The following DOCK3 variants were observed in gnomAD, a reference collection of about 807,000 sequenced individuals.
The protein encoded by DOCK3 is dedicator of cytokinesis 3.
In DOCK3, 60 loss-of-function variants were observed where a neutral mutation model predicts 265.6. That is an observed-to-expected ratio of 0.23 (90% CI 0.18 to 0.28). DOCK3 has a LOEUF of 0.28. DOCK3 is among the 10% of genes least tolerant of loss of function. DOCK3 has a pLI of 1.00. For synonymous variants in DOCK3, 881 were observed against 938.0 expected (o/e 0.94, Z 1.11); for missense variants, 1,981 against 2,594.3 (o/e 0.76, Z 5.14).
At chr3:50,929,787 TA>T (rs1307811120) in intron 4 of DOCK3, among the ~76,000 whole-genome samples, 1 of 152,186 alleles carries the variant, frequency 6.6e-6, no homozygotes, top group East Asian at 1.9e-4. Flanking sequence ...AAGACATCTG[TA>T]AAAAATATAA....
At chr3:50,740,447 C>CT in intron 1 of DOCK3, among the ~76,000 whole-genome samples, 1 of 152,234 alleles carries the variant, frequency 6.6e-6, no homozygotes, top group Non-Finnish European at 1.5e-5. Flanking sequence ...AACTGCCAAA[C>CT]TTTCTTCCAA....
At chr3:51,292,009 A>G (rs372083226) in intron 27 of DOCK3, among the ~76,000 whole-genome samples, 1 of 152,234 alleles carries the variant, frequency 6.6e-6, no homozygotes, top group African/African-American at 2.4e-5. Flanking sequence ...GATCATCTCA[A>G]TAAATGCAGG....
chr3:51,151,239 C>T (rs1337909349), intron 10 of DOCK3, among the ~76,000 whole-genome samples: 1 of 152,078 alleles, frequency 6.6e-6, no homozygotes, highest in East Asian at 1.9e-4. Context: ...GAATACACCA[C>T]AATGATGGGT....
At chr3:51,159,221 A>C (rs759118917) in intron 10 of DOCK3, 23 bp from the exon 11 acceptor site, 2 of 1,610,966 alleles carry the variant, frequency 1.2e-6, no homozygotes, top group South Asian at 1.1e-5. Context: ...TCCTTGCCTG[A>C]ATTTACTTAT....
At chr3:51,288,907 T>TGG in intron 27 of DOCK3, among the ~76,000 whole-genome samples, 1 of 149,048 alleles carries the variant, frequency 6.7e-6, no homozygotes, top group African/African-American at 2.5e-5. Context: ...TGTGTGGGTG[T>TGG]GTGTGTGTGT....
chr3:50,829,099 G>A lies in DOCK3; in HGVS notation c.122-12576G>A, dbSNP rs185109799. On this transcript the variant is annotated intron_variant, in intron 2 of 52. Transcript: ENST00000266037. ...TATTTATTTATTTATTTGCCATTTA[G>A]ATACATCTTTTAGTAGTATTTCTTT... Among the ~76,000 whole-genome samples, 876 of 152,144 alleles carry A rather than the reference G, an allele frequency of 5.8e-3. 6 individuals carry two copies. Among genetic ancestry groups the A allele is most frequent in the South Asian group, 0.021 (101 of 4,822 alleles).
At chr3:50,885,857 G>A (rs778262414) in intron 3 of DOCK3, among the ~76,000 whole-genome samples, 2 of 152,098 alleles carry the variant, frequency 1.3e-5, no homozygotes, top group Non-Finnish European at 2.9e-5. Flanking sequence ...ACTCGTGTGG[G>A]TGGGGATTAG....
At chr3:51,098,045 C>A (rs2082933789) in intron 9 of DOCK3, among the ~76,000 whole-genome samples, 1 of 152,048 alleles carries the variant, frequency 6.6e-6, no homozygotes, top group African/African-American at 2.4e-5. Context: ...CAGACCAGAT[C>A]TGTTCCTATT....
At chr3:51,161,905 A>G (rs1405493685) in intron 12 of DOCK3, among the ~76,000 whole-genome samples, 1 of 152,198 alleles carries the variant, frequency 6.6e-6, no homozygotes, top group Non-Finnish European at 1.5e-5. Context: ...GTGTTCTTCA[A>G]CCAAAGGATA....
Position 50,723,118 on chromosome 3 carries a change from C to T in DOCK3, c.37+47818C>T, listed in dbSNP as rs549355658. On this transcript the variant is annotated intron_variant, in intron 1 of 52. Coordinates refer to ENST00000266037, the MANE Select transcript of DOCK3 (RefSeq NM_004947.5). ...GGGAAATGAAAACTGAAAAGAACCACGTGAAAATTTTTAGAACCAGAAAGT... is the reference window on the plus strand; with the variant it reads ...GGGAAATGAAAACTGAAAAGAACCATGTGAAAATTTTTAGAACCAGAAAGT... 4.7e-4 allele frequency among the ~76,000 whole-genome samples: 72 copies of T among 152,160 alleles called. No homozygotes were observed. The South Asian group carries it at 7.7e-3, about 16-fold the overall frequency.
intron 2 of DOCK3, chr3:50,787,752 C>T (rs760601933): frequency 1.7e-6 from 2 of 1,178,884 alleles, no homozygotes; most frequent in South Asian, 2.4e-5. Flanking sequence ...CTGTTATCTT[C>T]TCCTTTTTCT....
chr3:51,053,147 C>G (rs1176606030), intron 5 of DOCK3, among the ~76,000 whole-genome samples: 4 of 114,710 alleles, frequency 3.5e-5, no homozygotes, highest in African/African-American at 1.3e-4. Context: ...ATATTACAGA[C>G]TACTTGGCAT....
At chr3:51,295,035 A>G (rs1318657964) in intron 27 of DOCK3, among the ~76,000 whole-genome samples, 1 of 152,258 alleles carries the variant, frequency 6.6e-6, no homozygotes, top group Non-Finnish European at 1.5e-5. Context: ...GTCAATTAAA[A>G]TAAAAATTTT....
At chr3:51,172,133 T>C in intron 12 of DOCK3, among the ~76,000 whole-genome samples, 1 of 152,122 alleles carries the variant, frequency 6.6e-6, no homozygotes, top group East Asian at 1.9e-4. Flanking sequence ...ATTTAAGTAT[T>C]GCCACTCCTA....
intron 27 of DOCK3, among the ~76,000 whole-genome samples, chr3:51,308,587 G>C (rs1352420647): frequency 1.3e-5 from 2 of 152,154 alleles, no homozygotes; most frequent in African/African-American, 2.4e-5. Flanking sequence ...TCTTAGTACA[G>C]AACAAAATGA....
intron 1 of DOCK3, among the ~76,000 whole-genome samples, chr3:50,735,778 C>T (rs1020743259): frequency 4.6e-5 from 7 of 152,122 alleles, no homozygotes; most frequent in African/African-American, 1.7e-4. Flanking sequence ...CTGGGTAATG[C>T]ATAAATAAGA....
intron 22 of DOCK3, among the ~76,000 whole-genome samples, chr3:51,250,220 T>C (rs1016442716): frequency 2.0e-5 from 3 of 148,614 alleles, no homozygotes; most frequent in Non-Finnish European, 4.4e-5. Context: ...ACTATTGTCC[T>C]ATGACCCTGC....
chr3:51,089,340 A>T, intron 8 of DOCK3, 56 bp downstream of exon 8: 1 of 1,557,728 alleles, frequency 6.4e-7, no homozygotes. Context: ...CTGTTAAGAG[A>T]TTACAACATA....
chr3:51,367,790 C>A (rs1242181286), intron 49 of DOCK3, among the ~76,000 whole-genome samples: 2 of 152,114 alleles, frequency 1.3e-5, no homozygotes, highest in African/African-American at 2.4e-5. Context: ...GTTAAAAATT[C>A]TTTTCTTTAA....
Sources: allele counts gnomAD v4.1 joint callset (sites outside exome capture counted in the v4.1 genomes callset), GRCh38; gene constraint gnomAD v4.1.1; transcripts MANE v1.5; gene names NCBI Gene and HGNC (gene_info 2026-07-23, HGNC 2026-07-21).